The following FAAH2 variants were observed in gnomAD, a reference collection of about 807,000 sequenced individuals.
FAAH2 encodes fatty-acid amide hydrolase 2.
FAAH2 carries 60 observed loss-of-function variants against 36.9 expected under a neutral mutation model. That is an observed-to-expected ratio of 1.63 (90% confidence interval 1.32 to 2.02). FAAH2 has a LOEUF of 2.02. FAAH2 is among the 30% of genes most tolerant of loss of function. The probability of loss-of-function intolerance (pLI) is 0.00; values close to 1 mark genes in which losing one functional copy is unlikely to be tolerated. For missense variants in FAAH2, 689 were observed against 397.5 expected, an observed-to-expected ratio of 1.73 and a Z score of -6.23; for synonymous variants, 214 against 143.8, an observed-to-expected ratio of 1.49 and a Z score of -3.49.
the FAAH2 span, among the ~76,000 whole-genome samples, chrX:57,169,934 A>G: frequency 9.1e-6 from 1 of 110,043 alleles, no homozygotes; most frequent in Non-Finnish European, 1.9e-5. Context: ...TCATATGAAT[A>G]GATTCATGAA....
chrX:57,486,505 G>T (rs2057476938), intron 10 of FAAH2, among the ~76,000 whole-genome samples: 2 of 111,579 alleles, frequency 1.8e-5, no homozygotes, highest in African/African-American at 6.5e-5. Context: ...TCTATCATTT[G>T]GCACCTTCAT....
chrX:57,466,154 C>CTATATATATATATATATATA (rs1371319859), intron 10 of FAAH2, among the ~76,000 whole-genome samples: 6 of 66,919 alleles, frequency 9.0e-5, no homozygotes, highest in Admixed American at 1.8e-4. Flanking sequence ...CTCTCTCTCT[C>CTATATATATATATATATATA]TCTATATATA....
intron 7 of FAAH2, among the ~76,000 whole-genome samples, chrX:57,397,638 C>T (rs773780552): frequency 9.9e-5 from 11 of 110,572 alleles, no homozygotes; most frequent in Admixed American, 2.9e-4. Context: ...GAGAAGTCCA[C>T]TGTTTGACTA....
the FAAH2 span, among the ~76,000 whole-genome samples, chrX:57,166,761 CAT>C: frequency 1.8e-5 from 2 of 111,907 alleles, no homozygotes; most frequent in Admixed American, 1.9e-4. Flanking sequence ...CCTATCATAT[CAT>C]ATTGAGTTCA....
chrX:57,160,542 T>C, the FAAH2 span, among the ~76,000 whole-genome samples: 1 of 112,243 alleles, frequency 8.9e-6, no homozygotes, highest in East Asian at 2.8e-4. Context: ...TATGCAGAGA[T>C]TCAACTTCTT....
At chrX:57,394,791 C>T (rs775074494) in intron 7 of FAAH2, 46 of 994,945 alleles carry the variant, frequency 4.6e-5, no homozygotes, top group Non-Finnish European at 6.1e-5. Flanking sequence ...ACCAGGATGT[C>T]GCCTTTATTT....
intron 6 of FAAH2, among the ~76,000 whole-genome samples, chrX:57,380,281 A>C (rs1464478520): frequency 9.0e-6 from 1 of 111,382 alleles, no homozygotes; most frequent in Non-Finnish European, 1.9e-5. Context: ...TTGCCACTTC[A>C]ACCATTTTCC....
At chrX:57,419,723 T>G (rs1002211919) in intron 7 of FAAH2, among the ~76,000 whole-genome samples, 10 of 112,062 alleles carry the variant, frequency 8.9e-5, no homozygotes, top group Non-Finnish European at 1.9e-4. Context: ...TTGAGTTTAA[T>G]TAGATCCCAT....
chrX:57,161,378 G>A, the FAAH2 span, among the ~76,000 whole-genome samples: 11 of 111,216 alleles, frequency 9.9e-5, no homozygotes, highest in African/African-American at 1.6e-4. Context: ...TATTAGGTCC[G>A]CTTGGTGCAG....
At chrX:57,407,353 T>A (rs1272687855) in intron 7 of FAAH2, among the ~76,000 whole-genome samples, 9 of 111,854 alleles carry the variant, frequency 8.0e-5, no homozygotes, top group South Asian at 3.7e-4. Context: ...CACCAACCAG[T>A]GTTCTGCCCC....
intron 7 of FAAH2, among the ~76,000 whole-genome samples, chrX:57,396,380 T>G (rs937523168): frequency 6.4e-5 from 7 of 109,297 alleles, no homozygotes; most frequent in Non-Finnish European, 1.1e-4. Flanking sequence ...TTAGTGTTTT[T>G]TTTTTTTTTT....
At chrX:57,306,496 G>C (rs184066225) in intron 2 of FAAH2, among the ~76,000 whole-genome samples, 1 of 109,823 alleles carries the variant, frequency 9.1e-6, no homozygotes, top group Non-Finnish European at 1.9e-5. Context: ...ACTAGACCCT[G>C]GGAAGTTCAG....
chrX:57,473,682 A>T (rs1465796212), intron 10 of FAAH2, among the ~76,000 whole-genome samples: 2 of 111,428 alleles, frequency 1.8e-5, no homozygotes, highest in Non-Finnish European at 3.8e-5. Context: ...ATTTTTTATA[A>T]ATCTGGATGT....
the FAAH2 span, among the ~76,000 whole-genome samples, chrX:57,148,795 A>G: frequency 1.8e-5 from 2 of 111,055 alleles, no homozygotes; most frequent in African/African-American, 6.5e-5. Flanking sequence ...TTCCAACACT[A>G]GTTGAATAGG....
chrX:57,192,220 A>G, the FAAH2 span, among the ~76,000 whole-genome samples: 1 of 111,295 alleles, frequency 9.0e-6, no homozygotes, highest in Non-Finnish European at 1.9e-5. Flanking sequence ...ATTTGTGGCT[A>G]TTGTAAATGT....
At chrX:57,481,621 C>T (rs926152679) in intron 10 of FAAH2, among the ~76,000 whole-genome samples, 9 of 111,813 alleles carry the variant, frequency 8.0e-5, no homozygotes, top group Non-Finnish European at 1.5e-4. Context: ...AAGCTTTGTC[C>T]CAGAGGGGCA....
the FAAH2 span, among the ~76,000 whole-genome samples, chrX:57,181,972 T>G: frequency 1.8e-5 from 2 of 111,074 alleles, no homozygotes; most frequent in Non-Finnish European, 3.8e-5. Flanking sequence ...AAACAAGCAA[T>G]AGAAAAAAAA....
chrX:57,312,074 C>T (rs2052710609), intron 3 of FAAH2, among the ~76,000 whole-genome samples: 1 of 112,222 alleles, frequency 8.9e-6, no homozygotes, highest in Non-Finnish European at 1.9e-5. Flanking sequence ...CCCAAGAGGG[C>T]TGGTGGTACA....
At chrX:57,224,352 T>A in the FAAH2 span, among the ~76,000 whole-genome samples, 2 of 111,877 alleles carry the variant, frequency 1.8e-5, no homozygotes, top group African/African-American at 6.5e-5. Flanking sequence ...ATTTTCTTTT[T>A]CCAAGATGTC....
Sources: allele counts gnomAD v4.1 joint callset (sites outside exome capture counted in the v4.1 genomes callset), GRCh38; gene constraint gnomAD v4.1.1; transcripts MANE v1.5; gene names NCBI Gene and HGNC (gene_info 2026-07-23, HGNC 2026-07-21).